Variants in ANKS1B observed in about 807,000 individuals in gnomAD.
ANKS1B encodes ankyrin repeat and sterile alpha motif domain containing 1B.
A neutral mutation model predicts 148.3 loss-of-function variants in ANKS1B; 36 were observed. That is an observed-to-expected ratio of 0.24 (90% CI 0.19 to 0.32). The LOEUF is 0.32. ANKS1B is among the 10% of genes least tolerant of loss of function. The probability of loss-of-function intolerance (pLI) is 1.00; values close to 1 mark genes in which losing one functional copy is unlikely to be tolerated. For synonymous variants in ANKS1B, 542 were observed against 560.8 expected, an observed-to-expected ratio of 0.97 and a Z score of 0.47; for missense variants, 1,157 against 1,542.6, an observed-to-expected ratio of 0.75 and a Z score of 4.19.
chr12:98,897,770 T>C (rs555101950), intron 17 of ANKS1B, among the ~76,000 whole-genome samples: 3 of 152,340 alleles, frequency 2.0e-5, no homozygotes, highest in South Asian at 2.1e-4. Flanking sequence ...TGCACTTGTA[T>C]GTTTATTGCA....
chr12:98,811,584 T>C (rs1594431689), intron 19 of ANKS1B, among the ~76,000 whole-genome samples: 1 of 152,136 alleles, frequency 6.6e-6, no homozygotes, highest in South Asian at 2.1e-4. Context: ...CTCACCAGGA[T>C]TGGAGAGCAC....
chr12:99,502,350 C>T (rs988473901), intron 10 of ANKS1B, among the ~76,000 whole-genome samples: 2 of 152,094 alleles, frequency 1.3e-5, no homozygotes, highest in Admixed American at 1.3e-4. Context: ...TCTCCATGAC[C>T]GCTGTGGGTC....
chr12:99,853,908 C>T lies in ANKS1B; in HGVS notation c.135-28519G>A, dbSNP rs970193596. 5.3e-5 allele frequency among the ~76,000 whole-genome samples: 8 copies of T among 152,036 alleles called. No individual in the cohort carries two copies. The East Asian group carries it at 5.8e-4, about 11-fold the overall frequency. ...CAAAAACTTCTGAAAATGAAGGACA[C>T]GCTTAGAGAAATGCAAAATGCACCG... On this transcript the variant is annotated intron_variant, in intron 1 of 26. Coordinates refer to ENST00000683438, the MANE Select transcript of ANKS1B (RefSeq NM_001352186.2).
intron 15 of ANKS1B, among the ~76,000 whole-genome samples, chr12:99,105,368 G>C (rs1207592820): frequency 6.6e-6 from 1 of 152,028 alleles, no homozygotes; most frequent in African/African-American, 2.4e-5. Flanking sequence ...CTCAGAATTA[G>C]AAAGCAAAAG....
chr12:99,931,574 A>C (rs56179200), intron 1 of ANKS1B, among the ~76,000 whole-genome samples: 32,630 of 151,946 alleles, frequency 0.21, 3,762 homozygotes, highest in African/African-American at 0.25. Context: ...ATTTTAATTA[A>C]TGTGTCTATC....
At chr12:99,469,174 G>A (rs1157612764) in intron 10 of ANKS1B, among the ~76,000 whole-genome samples, 1 of 151,344 alleles carries the variant, frequency 6.6e-6, no homozygotes, top group Non-Finnish European at 1.5e-5. Context: ...ATCATTCTCA[G>A]TAAACTATCG....
intron 17 of ANKS1B, among the ~76,000 whole-genome samples, chr12:98,997,493 C>G (rs1321882745): frequency 6.6e-6 from 1 of 151,404 alleles, no homozygotes; most frequent in African/African-American, 2.4e-5. Flanking sequence ...TCTCTGCCTC[C>G]TGGGTTCAAG....
chr12:99,296,432 T>C (rs2080879565), intron 12 of ANKS1B, among the ~76,000 whole-genome samples: 1 of 152,208 alleles, frequency 6.6e-6, no homozygotes, highest in Non-Finnish European at 1.5e-5. Flanking sequence ...TTAAGACTTT[T>C]GTATTTTGTT....
At chr12:99,220,238 T>C (rs2084879556) in intron 14 of ANKS1B, among the ~76,000 whole-genome samples, 1 of 152,032 alleles carries the variant, frequency 6.6e-6, no homozygotes, top group Non-Finnish European at 1.5e-5. Flanking sequence ...GACCTCATAA[T>C]CCACCTGCCT....
intron 12 of ANKS1B, among the ~76,000 whole-genome samples, chr12:99,363,462 C>T (rs1291772677): frequency 1.3e-5 from 2 of 151,954 alleles, no homozygotes; most frequent in Non-Finnish European, 2.9e-5. Flanking sequence ...TACAGGCTAC[C>T]AAGAAATTTA....
At chr12:98,767,501 G>A (rs1252524048) in intron 25 of ANKS1B, among the ~76,000 whole-genome samples, 8 of 151,734 alleles carry the variant, frequency 5.3e-5, no homozygotes, top group South Asian at 2.1e-4. Context: ...GCTGCACACC[G>A]AGGAGCACAG....
At chr12:99,272,033 T>G (rs1391221607) in intron 12 of ANKS1B, among the ~76,000 whole-genome samples, 3 of 152,066 alleles carry the variant, frequency 2.0e-5, no homozygotes, top group Non-Finnish European at 4.4e-5. Context: ...AATCAGTGAT[T>G]ATCAATGTTC....
intron 10 of ANKS1B, among the ~76,000 whole-genome samples, chr12:99,467,378 C>T (rs2096140854): frequency 6.6e-6 from 1 of 152,298 alleles, no homozygotes; most frequent in Admixed American, 6.5e-5. Flanking sequence ...AAAACTGGCA[C>T]AAGACAGGGA....
chr12:99,495,784 T>C (rs746649922), intron 10 of ANKS1B, among the ~76,000 whole-genome samples: 2 of 152,208 alleles, frequency 1.3e-5, no homozygotes, highest in Non-Finnish European at 2.9e-5. Flanking sequence ...TCAGCAGAGA[T>C]AAACATTTGT....
intron 6 of ANKS1B, among the ~76,000 whole-genome samples, chr12:99,778,570 A>G (rs571404695): frequency 6.6e-6 from 1 of 152,120 alleles, no homozygotes; most frequent in East Asian, 1.9e-4. Flanking sequence ...TACAAAGTGC[A>G]TAGAGGGAGA....
At chr12:99,219,916 G>A (rs911029846) in intron 14 of ANKS1B, among the ~76,000 whole-genome samples, 2 of 152,222 alleles carry the variant, frequency 1.3e-5, no homozygotes, top group African/African-American at 4.8e-5. Context: ...GTGGTGAGTG[G>A]TGTTCAAATA....
At chr12:99,134,615 T>G (rs533106276) in intron 15 of ANKS1B, among the ~76,000 whole-genome samples, 1 of 149,522 alleles carries the variant, frequency 6.7e-6, no homozygotes, top group Non-Finnish European at 1.5e-5. Context: ...TCTCTCTGTC[T>G]CTATCCCTTT....
At chr12:98,960,731 T>G (rs1369250990) in intron 17 of ANKS1B, among the ~76,000 whole-genome samples, 1 of 152,164 alleles carries the variant, frequency 6.6e-6, no homozygotes, top group Non-Finnish European at 1.5e-5. Flanking sequence ...AAATAACTGT[T>G]TTGAGGAAAT....
chr12:99,331,222 T>C (rs757177562), intron 12 of ANKS1B, among the ~76,000 whole-genome samples: 1 of 151,980 alleles, frequency 6.6e-6, no homozygotes, highest in African/African-American at 2.4e-5. Flanking sequence ...GATTCCTGGA[T>C]TGAACCTGAC....
Sources: gnomAD v4.1 joint callset for allele counts (sites outside exome capture counted in the v4.1 genomes callset) on GRCh38, gnomAD v4.1.1 for gene constraint, MANE v1.5 for transcripts, NCBI Gene and HGNC (gene_info 2026-07-23, HGNC 2026-07-21) for gene names.